Variants in PDPK1 observed in about 807,000 individuals in gnomAD.
PDPK1 encodes 3-phosphoinositide-dependent protein kinase 1.
A neutral mutation model predicts 39.8 loss-of-function variants in PDPK1; 7 were observed. The observed-to-expected ratio is 0.18, with a 90% CI of 0.10 to 0.33. PDPK1 has a LOEUF of 0.33. Ranked by LOEUF, PDPK1 falls within the 10% of genes least tolerant of loss-of-function variation. The probability of loss-of-function intolerance (pLI) is 1.00; values close to 1 mark genes in which losing one functional copy is unlikely to be tolerated. For synonymous variants in PDPK1, 118 were observed against 159.1 expected (o/e 0.74, Z 1.95); for missense variants, 182 against 384.7 (o/e 0.47, Z 4.41).
chr16:2,590,028 G>T (rs1034558544), intron 11 of PDPK1, among the ~76,000 whole-genome samples: 6 of 152,232 alleles, frequency 3.9e-5, no homozygotes, highest in African/African-American at 1.4e-4. Flanking sequence ...TGACATGTCT[G>T]CTGCTGAGTT....
chr16:2,579,649 T>C (rs568007882), intron 7 of PDPK1: 18 of 131,764 alleles, frequency 1.4e-4, no homozygotes, highest in African/African-American at 5.1e-4. Context: ...TTAAGAACTT[T>C]TATTATAAAG....
Position 2,597,290 on chromosome 16 carries a change from A to T in PDPK1, c.1554+15A>T. ...TTGTCCACACGGTGAGTCTGTTCCCAGGGATTTCTGTGTGCAGGGTAATGG... is the reference window on the plus strand; with the variant it reads ...TTGTCCACACGGTGAGTCTGTTCCCTGGGATTTCTGTGTGCAGGGTAATGG... On this transcript the variant is annotated intron_variant, in intron 13 of 13. Coordinates refer to ENST00000342085, the MANE Select transcript of PDPK1 (RefSeq NM_002613.5). The surrounding 1 kb of genome is among the most constrained non-coding windows in gnomAD (Gnocchi z 6.3). 6.4e-7 allele frequency: 1 copy of T among 1,568,058 alleles called. No homozygotes were observed. The highest frequency in any genetic ancestry group is 8.7e-7 in the Non-Finnish European group (1 of 1,148,032).
intron 11 of PDPK1, chr16:2,592,837 T>C (rs1160060058): frequency 2.2e-6 from 1 of 455,944 alleles, no homozygotes; most frequent in South Asian, 1.5e-5. Context: ...CACCGGGGAG[T>C]GGAATTGTCC....
chr16:2,596,702 A>G (rs2067108967), intron 12 of PDPK1, among the ~76,000 whole-genome samples: 1 of 152,134 alleles, frequency 6.6e-6, no homozygotes, highest in Non-Finnish European at 1.5e-5. Context: ...GTTAGCTTTA[A>G]CCCTTGGTTA....
chr16:2,592,455 C>CAGT (rs1467993104), intron 11 of PDPK1: 3 of 295,738 alleles, frequency 1.0e-5, no homozygotes, highest in African/African-American at 6.8e-5. Context: ...CTGCAGGAGA[C>CAGT]AGTAGAAAAT....
rs2067162963 is a variant in PDPK1 at position 2,599,160 on chromosome 16, C to CT, written c.*1394dup. 4.3e-6 allele frequency: 1 copy of CT among 233,482 alleles called. No individual in the cohort carries two copies. 14.5% of individuals were successfully genotyped at this position (233,482 alleles called of 1,614,324 possible). ...CCAGGTAGAGAGTGCTCCTGGTGGC[C>CT]TGGCAGGTCTGGGCCCTTCTCTCCC... On this transcript the variant is annotated 3_prime_UTR_variant, in exon 14 of 14. Coordinates refer to ENST00000342085, the MANE Select transcript of PDPK1 (RefSeq NM_002613.5).
At chr16:2,553,170 TAAAAAAAAAAAAGAA>T (rs1419334845) in intron 1 of PDPK1, among the ~76,000 whole-genome samples, 1 of 130,822 alleles carries the variant, frequency 7.6e-6, no homozygotes, top group African/African-American at 3.2e-5. Flanking sequence ...CTTTTTTTTT[TAAAAAAAAAAAAGAA>T]AAAAAAAGAA....
chr16:2,556,608 C>G (rs1597033450), intron 1 of PDPK1, among the ~76,000 whole-genome samples: 1 of 134,046 alleles, frequency 7.5e-6, no homozygotes, highest in Non-Finnish European at 1.6e-5. Flanking sequence ...TCAGGTGATC[C>G]TCCCGCCTCT....
intron 11 of PDPK1, among the ~76,000 whole-genome samples, 174 bp from the exon 12 acceptor site, chr16:2,595,619 G>A (rs769148985): frequency 1.3e-5 from 2 of 152,202 alleles, no homozygotes; most frequent in South Asian, 2.1e-4. Flanking sequence ...TCTCTGCGTG[G>A]CAGTGCTGTA....
intron 1 of PDPK1, among the ~76,000 whole-genome samples, chr16:2,544,169 G>A (rs1233826045): frequency 2.6e-5 from 4 of 152,190 alleles, no homozygotes; most frequent in African/African-American, 9.7e-5. Flanking sequence ...GTCAACCTAT[G>A]GTTGGGGATG....
At chr16:2,595,989 C>G in intron 12 of PDPK1, 139 bp downstream of exon 12, 1 of 761,822 alleles carries the variant, frequency 1.3e-6, no homozygotes, top group Non-Finnish European at 2.3e-6. Context: ...TTTCATAGCT[C>G]GGGAAGGCTT....
At chr16:2,578,122 C>T (rs1192966566) in intron 7 of PDPK1, among the ~76,000 whole-genome samples, 2 of 149,030 alleles carry the variant, frequency 1.3e-5, no homozygotes, top group East Asian at 2.0e-4. Context: ...TGCTGCCCCC[C>T]GTCGGGGTGG....
rs924081462 is a variant in PDPK1, at chr16:2,602,810, A to T, written c.*5043A>T. 8.5e-6 allele frequency: 2 copies of T among 233,926 alleles called. No individual in the cohort carries two copies. Among genetic ancestry groups the T allele is most frequent in the Non-Finnish European group, 1.7e-5 (2 of 117,680 alleles). 14.5% of individuals were successfully genotyped at this position (233,926 alleles called of 1,614,324 possible). ...AAAAGAACTTATGAAAACAAATGCA[A>T]TGATACTAGGATATACACTTTTGTA... On this transcript the variant is annotated 3_prime_UTR_variant, in exon 14 of 14. Transcript: ENST00000342085.
intron 10 of PDPK1, among the ~76,000 whole-genome samples, chr16:2,586,378 C>CG (rs1259624645): frequency 4.6e-5 from 7 of 152,344 alleles, no homozygotes; most frequent in Admixed American, 4.6e-4. Flanking sequence ...CTGGCATTCA[C>CG]GGGGCCCGCA....
rs2067250748 is a variant in PDPK1 at position 2,603,035 on chromosome 16, AATTTTCT to A, written c.*5272_*5278del. 1 of 228,974 alleles carries A rather than the reference AATTTTCT, an allele frequency of 4.4e-6. No individual in the cohort carries two copies. 14.2% of individuals were successfully genotyped at this position (228,974 alleles called of 1,614,324 possible). A position where few individuals can be genotyped will look rare whatever the true frequency, so the allele number is the denominator to read the frequency against. On this transcript the variant is annotated 3_prime_UTR_variant, in exon 14 of 14. Transcript: ENST00000342085. ...ACTTTTTTTCTGGCTTTATTATATA[AATTTTCT>A]ATTGGGTCAGTGATTTAATCATATA...
chr16:2,587,483 G>T (rs2066901257), intron 11 of PDPK1, among the ~76,000 whole-genome samples: 1 of 152,132 alleles, frequency 6.6e-6, no homozygotes, highest in South Asian at 2.1e-4. Flanking sequence ...GGTACTTTGT[G>T]TCCTTTGACT....
chr16:2,586,612 C>G, intron 10 of PDPK1, 64 bp from the exon 11 acceptor site: 1 of 1,427,548 alleles, frequency 7.0e-7, no homozygotes, highest in Non-Finnish European at 9.8e-7. Flanking sequence ...GCGGGAGGGG[C>G]TGGGGTTTTA....
chr16:2,551,830 C>T (rs1021276326), intron 1 of PDPK1, among the ~76,000 whole-genome samples: 3 of 151,376 alleles, frequency 2.0e-5, no homozygotes, highest in Admixed American at 1.3e-4. Context: ...CCACACCCAG[C>T]TAATGTTTGT....
chr16:2,540,512 G>T (rs1241964824), intron 1 of PDPK1, among the ~76,000 whole-genome samples: 2 of 152,142 alleles, frequency 1.3e-5, no homozygotes, highest in African/African-American at 4.8e-5. Context: ...CCTGAGGGAG[G>T]GTCTGCCGGG....
Sources: gnomAD v4.1 joint callset for allele counts (sites outside exome capture counted in the v4.1 genomes callset) on GRCh38, gnomAD v4.1.1 for gene constraint, Gnocchi (gnomAD v3.1) non-coding constraint, MANE v1.5 for transcripts, NCBI Gene and HGNC (gene_info 2026-07-23, HGNC 2026-07-21) for gene names.